Variants in CCDC187 observed in about 807,000 individuals in gnomAD.
CCDC187 encodes the protein coiled-coil domain-containing protein 187.
A neutral mutation model predicts 38.0 loss-of-function variants in CCDC187; 32 were observed. That is an observed-to-expected ratio of 0.84 (90% confidence interval 0.64 to 1.13). The LOEUF (loss-of-function observed/expected upper bound fraction) is 1.13, where lower values mean the gene tolerates loss of function less well. Among genes scored for constraint, CCDC187 ranks in the 50% most tolerant of loss-of-function variants. The pLI is 0.00. For missense variants in CCDC187, 707 were observed against 786.8 expected, an observed-to-expected ratio of 0.90 and a Z score of 1.21; for synonymous variants, 333 against 347.9, an observed-to-expected ratio of 0.96 and a Z score of 0.48.
At chr9:136,267,598 A>G in intron 15 of CCDC187, 87 bp from the exon 16 acceptor site, 3 of 985,532 alleles carry the variant, frequency 3.0e-6, no homozygotes, top group Non-Finnish European at 2.4e-6. Flanking sequence ...GGGCCGCGTC[A>G]CCGCCTAGCT....
intron 1 of CCDC187, among the ~76,000 whole-genome samples, 187 bp downstream of exon 1, chr9:136,303,501 G>A (rs1158228607): frequency 1.3e-5 from 2 of 152,216 alleles, no homozygotes; most frequent in East Asian, 3.8e-4. Flanking sequence ...TAATGTGATC[G>A]GCCCGATTTA....
chr9:136,260,852 G>C (rs1478691909), intron 19 of CCDC187, among the ~76,000 whole-genome samples: 1 of 152,196 alleles, frequency 6.6e-6, no homozygotes, highest in African/African-American at 2.4e-5. Context: ...CAGCTGAGGG[G>C]CTGCAGCCCG....
chr9:136,290,549 G>A lies in CCDC187; in HGVS notation c.2064C>T (p.Val688=). The A allele has an allele frequency of 2.5e-6, 1 of 399,020 alleles. No individual in the cohort carries two copies. The highest frequency in any genetic ancestry group is 4.4e-6 in the Non-Finnish European group (1 of 226,390). The allele number at this position is 399,020 out of a possible 1,614,324, so 24.7% of individuals were successfully genotyped here. The part of the protein sequence containing the change: ...QQREAVLGRA[V]PVVSRTTPGI... ...CAGGGGTGGTCCGGGAGACCACGGG[G>A]ACCGCCCTGCCGAGGACGGCCTCCC... Residue 688 remains valine, a synonymous_variant, in exon 6 of 26, where the codon GTC becomes GTT. Transcript: ENST00000638797.
intron 19 of CCDC187, among the ~76,000 whole-genome samples, chr9:136,261,654 G>A (rs782139700): frequency 9.9e-5 from 15 of 152,228 alleles, no homozygotes; most frequent in African/African-American, 2.9e-4. Flanking sequence ...GCCAATGGCC[G>A]AGCCTGAGTG....
intron 4 of CCDC187, among the ~76,000 whole-genome samples, chr9:136,294,132 A>C (rs1831473362): frequency 6.7e-6 from 1 of 149,782 alleles, no homozygotes; most frequent in African/African-American, 2.5e-5. Context: ...ACACTCATAC[A>C]CACGCCCTCA....
chr9:136,305,267 G>A (rs917451506), upstream of CCDC187, among the ~76,000 whole-genome samples: 12 of 152,322 alleles, frequency 7.9e-5, no homozygotes, highest in Non-Finnish European at 1.5e-4. Flanking sequence ...GATGAGCCTC[G>A]GGCTGTTACA....
intron 5 of CCDC187, 101 bp from the exon 6 acceptor site, chr9:136,291,746 G>A (rs1831337645): frequency 5.0e-6 from 2 of 398,016 alleles, no homozygotes; most frequent in Admixed American, 4.4e-5. Flanking sequence ...GGGCGGTGAG[G>A]AGGCCCTCGG....
intron 14 of CCDC187, among the ~76,000 whole-genome samples, chr9:136,270,202 C>T (rs1830817040): frequency 6.6e-6 from 1 of 152,160 alleles, no homozygotes; most frequent in African/African-American, 2.4e-5. Flanking sequence ...GAAATAAAGA[C>T]ACAAGGCAAA....
rs1267477321 is a variant in CCDC187 at position 136,257,666 on chromosome 9, G to C, written c.4367-825C>G. 6.6e-6 allele frequency among the ~76,000 whole-genome samples: 1 copy of C among 152,146 alleles called. No individual in the cohort carries two copies. Among genetic ancestry groups the C allele is most frequent in the East Asian group, 1.9e-4 (1 of 5,196 alleles). ...TGCACCTCCATCTCCCTAGACTTTC[G>C]TTCTGTGGGGTCAGGGGACTCTGAG... is the stretch of plus-strand genomic sequence containing the variant. On this transcript the variant is annotated intron_variant, in intron 22 of 25. Coordinates refer to ENST00000638797, the MANE Select transcript of CCDC187 (RefSeq NM_001378188.1). This position sits in a 1 kb window ranked among gnomAD's most constrained non-coding sequence, Gnocchi z 4.5.
chr9:136,271,810 TG>T (rs1185622908), intron 14 of CCDC187, among the ~76,000 whole-genome samples: 8 of 151,970 alleles, frequency 5.3e-5, no homozygotes, highest in Non-Finnish European at 1.0e-4. Flanking sequence ...GGTTTCACCA[TG>T]TTAGCCAGGA....
At chr9:136,293,461 ACACT>A (rs1391068725) in intron 4 of CCDC187, among the ~76,000 whole-genome samples, 424 of 34,894 alleles carry the variant, frequency 0.012, 2 homozygotes, top group African/African-American at 0.037. Flanking sequence ...GCTCACACTC[ACACT>A]CACATGCTCA....
chr9:136,261,229 C>A (rs1453356594), intron 19 of CCDC187, among the ~76,000 whole-genome samples: 2 of 152,148 alleles, frequency 1.3e-5, no homozygotes, highest in African/African-American at 2.4e-5. Context: ...CTCGAACGGC[C>A]CAATGAAGGA....
At position 136,259,006 on chromosome 9, in the gene CCDC187, G is replaced by A. The variant is rs1554760689; in HGVS notation, c.4297-5C>T. On this transcript the variant is annotated splice_polypyrimidine_tract_variant and splice_region_variant and intron_variant, in intron 21 of 25. Transcript: ENST00000638797. ...GCGCCCCTCCGCCTCCTCGGCCTGG[G>A]GGGTGAGACGGGAGTGGACATGGCA... 1 of 985,930 alleles carries A rather than the reference G, an allele frequency of 1.0e-6. No homozygotes were observed. Among genetic ancestry groups the A allele is most frequent in the Non-Finnish European group, 1.2e-6 (1 of 830,454 alleles). 61.1% of individuals were successfully genotyped at this position (985,930 alleles called of 1,614,324 possible).
chr9:136,259,394 G>C lies in CCDC187; in HGVS notation c.4265C>G (p.Pro1422Arg), dbSNP rs1010312398. The change falls in exon 21 of 26, where the codon CCG becomes CGG. Residue 1422 changes from proline (P) to arginine (R), a missense_variant. Physicochemically the swap from Pro to Arg is moderately radical, Grantham distance 103 (BLOSUM62 -2). Coordinates refer to ENST00000638797, the MANE Select transcript of CCDC187 (RefSeq NM_001378188.1). ...GGCTGGGCCCAGCCGCTGTCCGTCC[G>C]GGGGGCTCACGTGCTGCAGGCCCAG... ...PLLGLQHVSP[P>R]DGQRLGPAFP... 9.1e-6 allele frequency: 9 copies of C among 985,280 alleles called. No individual in the cohort carries two copies. Among genetic ancestry groups the C allele is most frequent in the Non-Finnish European group, 8.4e-6 (7 of 829,980 alleles). The allele number at this position is 985,280 out of a possible 1,614,324, so 61.0% of individuals were successfully genotyped here.
intron 3 of CCDC187, 139 bp from the exon 4 acceptor site, chr9:136,297,960 T>C (rs1831576394): frequency 1.0e-5 from 4 of 393,380 alleles, no homozygotes; most frequent in Admixed American, 8.9e-5. Context: ...TGCTCCCTGC[T>C]TGGCGAGAGC....
Position 136,281,669 on chromosome 9 carries a change from A to C in CCDC187, c.2928-6T>G, listed in dbSNP as rs1831046587. 2.5e-6 allele frequency: 1 copy of C among 398,508 alleles called. No individual in the cohort carries two copies. Among genetic ancestry groups the C allele is most frequent in the South Asian group, 1.3e-4 (1 of 7,870 alleles). The allele number at this position is 398,508 out of a possible 1,614,324, so 24.7% of individuals were successfully genotyped here. On this transcript the variant is annotated splice_region_variant and splice_polypyrimidine_tract_variant and intron_variant, in intron 9 of 25. Transcript: ENST00000638797. ...TGGCTGGGCCCGCATATGAGCTGGA[A>C]GACACAGGCACACGTGTGGCAGGGC...
chr9:136,281,225 G>A, intron 10 of CCDC187: 2 of 395,436 alleles, frequency 5.1e-6, no homozygotes, highest in South Asian at 1.4e-4. Flanking sequence ...AGAAGAAAAA[G>A]TCGAATCCGA....
chr9:136,293,399 TCACAAA>T (rs1831414605), intron 4 of CCDC187, among the ~76,000 whole-genome samples: 2 of 69,196 alleles, frequency 2.9e-5, no homozygotes, highest in African/African-American at 1.1e-4. Flanking sequence ...GCTCACACAC[TCACAAA>T]CACTCACATG....
rs182840249 is a variant in CCDC187 at position 136,257,975 on chromosome 9, C to T, written c.4366+957G>A. Among the ~76,000 whole-genome samples the T allele has an allele frequency of 1.8e-3, 276 of 152,332 alleles. 3 individuals are homozygous for T. Among genetic ancestry groups the T allele is most frequent in the African/African-American group, 6.5e-3 (271 of 41,590 alleles). On this transcript the variant is annotated intron_variant, in intron 22 of 25. Transcript: ENST00000638797. The surrounding 1 kb of genome is among the most constrained non-coding windows in gnomAD (Gnocchi z 4.5). ...GTGGGCATAACGAGTGAATCCACCTCCAGAGGCAACGAGGACCCATGGTGG... is the reference window on the plus strand; with the variant it reads ...GTGGGCATAACGAGTGAATCCACCTTCAGAGGCAACGAGGACCCATGGTGG...
Sources: gnomAD v4.1 joint callset for allele counts (sites outside exome capture counted in the v4.1 genomes callset) on GRCh38, gnomAD v4.1.1 for gene constraint, Gnocchi (gnomAD v3.1) non-coding constraint, MANE v1.5 for transcripts, NCBI Gene and HGNC (gene_info 2026-07-23, HGNC 2026-07-21) for gene names.